STK3: variants seen among roughly 807,000 people sequenced by gnomAD.
The protein encoded by STK3 is serine/threonine-protein kinase 3.
A neutral mutation model predicts 58.0 loss-of-function variants in STK3; 41 were observed. The ratio of observed to expected loss-of-function variants is 0.71; its 90% CI spans 0.55 to 0.92. The LOEUF (loss-of-function observed/expected upper bound fraction) is 0.92, where lower values mean the gene tolerates loss of function less well. Ranked by LOEUF, STK3 falls within the 40% of genes least tolerant of loss-of-function variation. The probability of loss-of-function intolerance (pLI) is 0.00; values close to 1 mark genes in which losing one functional copy is unlikely to be tolerated. For missense variants in STK3, 479 were observed against 602.7 expected, an observed-to-expected ratio of 0.79 and a Z score of 2.15; for synonymous variants, 170 against 191.0, an observed-to-expected ratio of 0.89 and a Z score of 0.91.
chr8:98,494,420 T>C (rs1055975098), intron 10 of STK3, among the ~76,000 whole-genome samples: 1 of 152,206 alleles, frequency 6.6e-6, no homozygotes, highest in African/African-American at 2.4e-5. Flanking sequence ...GACTCTTCCA[T>C]TAAACAATGA....
chr8:98,815,597 G>A (rs1211361766), intron 1 of STK3, among the ~76,000 whole-genome samples: 1 of 152,136 alleles, frequency 6.6e-6, no homozygotes, highest in East Asian at 1.9e-4. Flanking sequence ...GAGACAATTT[G>A]CGCTTCAGTG....
chr8:98,706,666 C>T (rs1242525086), intron 5 of STK3, 32 bp from the exon 6 acceptor site: 4 of 1,506,958 alleles, frequency 2.7e-6, no homozygotes, highest in Non-Finnish European at 3.5e-6. Context: ...ATAAATGCTA[C>T]TACAAAAGCA....
At chr8:98,587,309 A>C (rs200698654) in intron 7 of STK3, among the ~76,000 whole-genome samples, 8 of 150,534 alleles carry the variant, frequency 5.3e-5, no homozygotes, top group Non-Finnish European at 1.2e-4. Context: ...CTTTGTTCTC[A>C]TTGGTTTCAA....
At chr8:98,798,192 A>C (rs1184908865) in intron 1 of STK3, among the ~76,000 whole-genome samples, 1 of 152,210 alleles carries the variant, frequency 6.6e-6, no homozygotes, top group African/African-American at 2.4e-5. Context: ...AGGAGTAAAA[A>C]GTTTGCTTCA....
chr8:98,893,484 A>AAGAAAGAGAAAGAAAG (rs1838310337), intron 1 of STK3, among the ~76,000 whole-genome samples: 11 of 43,616 alleles, frequency 2.5e-4, no homozygotes, highest in African/African-American at 1.1e-3. Context: ...GAAAGAAAGA[A>AAGAAAGAGAAAGAAAG]AGAGAAAGAA....
chr8:98,738,642 ACAG>A (rs769505942), intron 4 of STK3, among the ~76,000 whole-genome samples: 5 of 152,222 alleles, frequency 3.3e-5, no homozygotes, highest in Non-Finnish European at 7.3e-5. Context: ...GCTCTGGTCT[ACAG>A]CTCCCAGCGT....
chr8:98,450,068 A>C (rs536656227), downstream of STK3, among the ~76,000 whole-genome samples: 11 of 152,320 alleles, frequency 7.2e-5, no homozygotes, highest in South Asian at 2.3e-3. Flanking sequence ...ACCCAGTCTC[A>C]ACCATTATAG....
chr8:98,731,206 C>A (rs1347956668), intron 4 of STK3, among the ~76,000 whole-genome samples: 1 of 152,130 alleles, frequency 6.6e-6, no homozygotes, highest in East Asian at 1.9e-4. Context: ...AAGAAGTGAT[C>A]TACCAAGTAA....
intron 6 of STK3, among the ~76,000 whole-genome samples, chr8:98,612,460 C>T (rs1817279080): frequency 6.7e-6 from 1 of 148,640 alleles, no homozygotes; most frequent in Admixed American, 6.7e-5. Context: ...TATATCAACC[C>T]ATATATATAG....
At chr8:98,508,407 A>G (rs1344469305) in intron 10 of STK3, among the ~76,000 whole-genome samples, 1 of 152,178 alleles carries the variant, frequency 6.6e-6, no homozygotes, top group Non-Finnish European at 1.5e-5. Flanking sequence ...ACAAAATGTC[A>G]AGACAGGCAA....
At chr8:98,526,119 A>G (rs1586779339) in intron 10 of STK3, among the ~76,000 whole-genome samples, 2 of 151,976 alleles carry the variant, frequency 1.3e-5, no homozygotes, top group African/African-American at 4.8e-5. Context: ...CAAGTTCTGG[A>G]AACAGTTACT....
intron 10 of STK3, among the ~76,000 whole-genome samples, chr8:98,456,894 A>G (rs1002819428): frequency 2.6e-5 from 4 of 152,246 alleles, no homozygotes; most frequent in Non-Finnish European, 4.4e-5. Context: ...CCCTGGCCCT[A>G]TCGTGACTTC....
At chr8:98,454,525 G>C (rs956731993), downstream of STK3, 7 of 152,408 alleles carry the variant, frequency 4.6e-5, no homozygotes, top group South Asian at 2.1e-4. Flanking sequence ...TGAAGGGTGA[G>C]GGTTGTCAGC....
At chr8:98,907,265 G>A (rs1423652977) in intron 1 of STK3, among the ~76,000 whole-genome samples, 1 of 152,170 alleles carries the variant, frequency 6.6e-6, no homozygotes, top group East Asian at 1.9e-4. Context: ...TGTAATCCCA[G>A]CACTTTGGGA....
At chr8:98,427,903 G>A (rs1416674114) in intron 3 of STK3, 2 of 1,285,858 alleles carry the variant, frequency 1.6e-6, no homozygotes, top group African/African-American at 1.5e-5. Context: ...CAGGGCGCAC[G>A]GCGCTCTCGC....
chr8:98,883,831 T>C (rs1181610579), exon 2 of STK3: 1 of 662,928 alleles, frequency 1.5e-6, no homozygotes, highest in Non-Finnish European at 2.8e-6. Context: ...GGACATTGAA[T>C]GGCCTATTTG....
chr8:98,835,152 A>C (rs1835700718), intron 3 of STK3, among the ~76,000 whole-genome samples: 1 of 152,134 alleles, frequency 6.6e-6, no homozygotes, highest in Admixed American at 6.5e-5. Context: ...GGCCTAAGAG[A>C]GTCATTTTGC....
intron 6 of STK3, among the ~76,000 whole-genome samples, chr8:98,619,206 C>A (rs1340285876): frequency 2.7e-5 from 4 of 150,032 alleles, no homozygotes; most frequent in African/African-American, 7.4e-5. Flanking sequence ...GAAAAACAAG[C>A]AATGGGGAAA....
At chr8:98,542,353 C>T (rs1810355105) in intron 9 of STK3, among the ~76,000 whole-genome samples, 1 of 152,182 alleles carries the variant, frequency 6.6e-6, no homozygotes. Context: ...TTATCAAACA[C>T]ACTCTCGGTC....
Sources: allele counts gnomAD v4.1 joint callset (sites outside exome capture counted in the v4.1 genomes callset), GRCh38; gene constraint gnomAD v4.1.1; transcripts MANE v1.5; gene names NCBI Gene and HGNC (gene_info 2026-07-23, HGNC 2026-07-21).